Variants in DCBLD1 observed in about 807,000 individuals in gnomAD.
The protein encoded by DCBLD1 is discoidin, CUB and LCCL domain containing 1.
DCBLD1 carries 57 observed loss-of-function variants against 71.5 expected under a neutral mutation model. The observed-to-expected ratio is 0.80, with a 90% CI of 0.64 to 0.99. The LOEUF is 0.99. DCBLD1 is among the 50% of genes least tolerant of loss of function. The pLI is 0.00. For missense variants in DCBLD1, 891 were observed against 923.5 expected, an observed-to-expected ratio of 0.96 and a Z score of 0.46; for synonymous variants, 380 against 363.8, an observed-to-expected ratio of 1.04 and a Z score of -0.51.
intron 14 of DCBLD1, chr6:117,562,338 A>G (rs941312327): frequency 4.5e-5 from 9 of 200,240 alleles, no homozygotes; most frequent in African/African-American, 1.8e-4. Flanking sequence ...GTTTCATGAC[A>G]TAGTAATAAA....
At chr6:117,490,787 T>A (rs756431200) in intron 1 of DCBLD1, among the ~76,000 whole-genome samples, 1 of 152,182 alleles carries the variant, frequency 6.6e-6, no homozygotes, top group Non-Finnish European at 1.5e-5. Flanking sequence ...TTACATTTAC[T>A]GAAAAAGAAT....
In DCBLD1 at chr6:117,537,191, CCT is replaced by C; in HGVS notation, c.727_728del (p.Leu243ValfsTer19). 1 of 1,613,902 alleles carries C rather than the reference CCT, an allele frequency of 6.2e-7. No individual in the cohort carries two copies. The highest frequency in any genetic ancestry group is 8.5e-7 in the Non-Finnish European group (1 of 1,179,914). ...ANGVLSRDGS[L>X]SDKRFLFTSN... ...TTTGTCTTTATTGTTTCAGTGGTTC[CCT>C]GTCAGACAAGCGATTTCTGTTTACC... is the stretch of plus-strand genomic sequence containing the variant. On this transcript the variant is annotated frameshift_variant, in exon 7 of 15. Transcript: ENST00000338728. LOFTEE classifies it high-confidence loss of function.
chr6:117,520,562 A>G (rs1030331797), intron 3 of DCBLD1, among the ~76,000 whole-genome samples: 41 of 152,332 alleles, frequency 2.7e-4, no homozygotes, highest in African/African-American at 9.1e-4. Context: ...CACGGGAGGC[A>G]TGCACAGTGT....
chr6:117,512,359 G>A (rs1456617854), intron 2 of DCBLD1, among the ~76,000 whole-genome samples: 2 of 152,090 alleles, frequency 1.3e-5, no homozygotes, highest in Non-Finnish European at 2.9e-5. Flanking sequence ...TTACTGTTAC[G>A]TGACTATGGT....
downstream of DCBLD1, among the ~76,000 whole-genome samples, chr6:117,551,813 A>G (rs893959834): frequency 1.3e-5 from 2 of 152,174 alleles, no homozygotes; most frequent in Admixed American, 6.5e-5. Flanking sequence ...ATGCCTCCCC[A>G]ACAGGTACAA....
chr6:117,524,349 C>T (rs1240203683), intron 4 of DCBLD1, among the ~76,000 whole-genome samples: 1 of 151,810 alleles, frequency 6.6e-6, no homozygotes, highest in Non-Finnish European at 1.5e-5. Flanking sequence ...TTACAGGCGT[C>T]TGCCACCACA....
At chr6:117,497,644 A>T (rs190412463) in intron 1 of DCBLD1, among the ~76,000 whole-genome samples, 12 of 152,270 alleles carry the variant, frequency 7.9e-5, no homozygotes, top group African/African-American at 2.9e-4. Flanking sequence ...TCAAGAATTT[A>T]CTTGTTAATA....
intron 5 of DCBLD1, 147 bp downstream of exon 5, chr6:117,525,581 G>A (rs1778522993): frequency 1.9e-6 from 1 of 524,344 alleles, no homozygotes; most frequent in Non-Finnish European, 3.0e-6. Flanking sequence ...AATGAAATAA[G>A]TATAAAAACC....
chr6:117,567,393 G>T (rs1292335676), intron 14 of DCBLD1, among the ~76,000 whole-genome samples: 1 of 152,102 alleles, frequency 6.6e-6, no homozygotes, highest in African/African-American at 2.4e-5. Flanking sequence ...CAGCAATTCA[G>T]CAAATACATC....
intron 4 of DCBLD1, among the ~76,000 whole-genome samples, chr6:117,523,609 A>C (rs972957462): frequency 6.6e-6 from 1 of 152,190 alleles, no homozygotes; most frequent in Non-Finnish European, 1.5e-5. Context: ...GCTCTAGGGA[A>C]TTGTTACCCT....
chr6:117,533,600 A>G (rs1186609243), intron 6 of DCBLD1, among the ~76,000 whole-genome samples: 3 of 152,230 alleles, frequency 2.0e-5, no homozygotes, highest in Non-Finnish European at 2.9e-5. Flanking sequence ...CATTGCTTTT[A>G]TTGGAAAATG....
chr6:117,567,056 A>T, intron 14 of DCBLD1: 1 of 1,526,188 alleles, frequency 6.6e-7, no homozygotes, highest in Non-Finnish European at 8.8e-7. Context: ...AATGAAAATG[A>T]GAAAGTCAAG....
intron 7 of DCBLD1, among the ~76,000 whole-genome samples, chr6:117,537,482 T>A (rs575295189): frequency 2.7e-5 from 4 of 148,386 alleles, no homozygotes; most frequent in African/African-American, 1.0e-4. Flanking sequence ...TGCAGTGAGC[T>A]GAGATTGCGC....
chr6:117,528,364 TC>T (rs952090636), intron 5 of DCBLD1, among the ~76,000 whole-genome samples: 2 of 152,242 alleles, frequency 1.3e-5, no homozygotes, highest in African/African-American at 4.8e-5. Flanking sequence ...CATTTTGCTA[TC>T]ATTCCACCAA....
At chr6:117,532,997 A>C (rs1248509438) in intron 6 of DCBLD1, among the ~76,000 whole-genome samples, 2 of 152,232 alleles carry the variant, frequency 1.3e-5, no homozygotes, top group Non-Finnish European at 2.9e-5. Flanking sequence ...AGCCATTAGA[A>C]GGTGTAAAAC....
intron 1 of DCBLD1, among the ~76,000 whole-genome samples, chr6:117,492,179 T>G (rs536524157): frequency 6.6e-6 from 1 of 152,356 alleles, no homozygotes; most frequent in Non-Finnish European, 1.5e-5. Context: ...CACTGTATGG[T>G]TTAAGCATCC....
intron 1 of DCBLD1, among the ~76,000 whole-genome samples, chr6:117,484,287 C>CT (rs1172635268): frequency 6.6e-6 from 1 of 152,182 alleles, no homozygotes; most frequent in African/African-American, 2.4e-5. Context: ...TAACTGGGCA[C>CT]TTTGTGAGAG....
At chr6:117,558,640 ACAAGCTC>A (rs994777556) in intron 14 of DCBLD1, among the ~76,000 whole-genome samples, 10 of 152,228 alleles carry the variant, frequency 6.6e-5, no homozygotes, top group African/African-American at 2.2e-4. Context: ...AAAATCAGGT[ACAAGCTC>A]CAAGATTCAT....
At chr6:117,542,406 C>CT (rs1358006102) in intron 11 of DCBLD1, among the ~76,000 whole-genome samples, 2 of 152,064 alleles carry the variant, frequency 1.3e-5, no homozygotes, top group African/African-American at 4.8e-5. Context: ...TTTTTCCACT[C>CT]TTAAGCATCC....
Sources: gnomAD v4.1 joint callset for allele counts (sites outside exome capture counted in the v4.1 genomes callset) on GRCh38, gnomAD v4.1.1 for gene constraint, MANE v1.5 for transcripts, NCBI Gene and HGNC (gene_info 2026-07-23, HGNC 2026-07-21) for gene names.